PIK3C3: variants seen among roughly 807,000 people sequenced by gnomAD.
The protein encoded by PIK3C3 is PI3-kinase type 3.
Under a neutral mutation model 126.1 loss-of-function variants are expected in PIK3C3, and 95 were observed. The observed-to-expected ratio is 0.75, with a 90% CI of 0.64 to 0.89. The LOEUF is 0.89. Among genes scored for constraint, PIK3C3 ranks in the 40% least tolerant of loss-of-function variants. PIK3C3 has a pLI of 0.00. For synonymous variants in PIK3C3, 374 were observed against 360.0 expected (o/e 1.04, Z -0.44); for missense variants, 829 against 1,063.2 (o/e 0.78, Z 3.06).
intron 21 of PIK3C3, among the ~76,000 whole-genome samples, chr18:42,054,143 T>C (rs1984935321): frequency 6.3e-5 from 1 of 15,860 alleles, no homozygotes; most frequent in Non-Finnish European, 1.2e-4. Context: ...TATATATATA[T>C]ATATATATAT....
At chr18:42,045,493 A>G (rs547816882) in intron 20 of PIK3C3, among the ~76,000 whole-genome samples, 38 of 152,326 alleles carry the variant, frequency 2.5e-4, no homozygotes, top group Non-Finnish European at 7.4e-5. Context: ...TGTCTTAGCT[A>G]GGCTTATTGT....
intron 22 of PIK3C3, among the ~76,000 whole-genome samples, chr18:42,064,535 T>A (rs914701118): frequency 2.6e-5 from 4 of 152,190 alleles, no homozygotes; most frequent in African/African-American, 9.7e-5. Flanking sequence ...GGTGTAGGAT[T>A]TAGAAATGGT....
rs973352095 is a variant in PIK3C3, at chr18:42,075,480, G to A, written c.2650-5643G>A. On this transcript the variant is annotated intron_variant, in intron 24 of 24. Coordinates refer to ENST00000262039, the MANE Select transcript of PIK3C3 (RefSeq NM_002647.4). ...ACAACAACAGGAAAAATCATTAATA[G>A]CAAAGTATTGAACATTTAAATGTGC... is the stretch of plus-strand genomic sequence containing the variant. Among the ~76,000 whole-genome samples the A allele has an allele frequency of 3.3e-5, 5 of 151,902 alleles. No homozygotes were observed. The East Asian group carries it at 5.8e-4, about 18-fold the overall frequency.
intron 22 of PIK3C3, among the ~76,000 whole-genome samples, chr18:42,061,521 G>T (rs1406156061): frequency 1.3e-5 from 2 of 152,106 alleles, no homozygotes; most frequent in Non-Finnish European, 2.9e-5. Context: ...GGTGGAGGTT[G>T]CAGTGACCCG....
chr18:42,062,989 G>C (rs1242524475), intron 22 of PIK3C3, among the ~76,000 whole-genome samples: 1 of 152,016 alleles, frequency 6.6e-6, no homozygotes, highest in Non-Finnish European at 1.5e-5. Flanking sequence ...GTTGGTTCCT[G>C]TCCACCTGGA....
intron 24 of PIK3C3, among the ~76,000 whole-genome samples, chr18:42,069,600 T>C (rs1985693279): frequency 6.6e-6 from 1 of 152,222 alleles, no homozygotes; most frequent in Non-Finnish European, 1.5e-5. Context: ...ATGCTTGAAG[T>C]CAGAAACTCT....
chr18:42,046,166 A>G (rs1984549147), intron 20 of PIK3C3, among the ~76,000 whole-genome samples: 1 of 151,972 alleles, frequency 6.6e-6, no homozygotes, highest in Non-Finnish European at 1.5e-5. Context: ...TTTTTCCAAC[A>G]TTTCACATGT....
At chr18:41,967,738 G>T (rs1167663147) in intron 3 of PIK3C3, among the ~76,000 whole-genome samples, 1 of 152,208 alleles carries the variant, frequency 6.6e-6, no homozygotes, top group Non-Finnish European at 1.5e-5. Context: ...TGGATTGATT[G>T]TTAGGTTGAC....
At chr18:42,044,644 C>T (rs1028959918) in intron 20 of PIK3C3, among the ~76,000 whole-genome samples, 2 of 152,118 alleles carry the variant, frequency 1.3e-5, no homozygotes, top group East Asian at 3.9e-4. Flanking sequence ...TCTCAAACTC[C>T]TGGGCTCAAA....
chr18:42,054,126 G>GTATATA (rs60224978), intron 21 of PIK3C3, among the ~76,000 whole-genome samples: 8 of 69,674 alleles, frequency 1.1e-4, no homozygotes, highest in Non-Finnish European at 1.7e-4. Context: ...AGAACTAATG[G>GTATATA]TATATATATA....
At chr18:42,017,911 C>G (rs1304492088) in intron 12 of PIK3C3, among the ~76,000 whole-genome samples, 1 of 151,572 alleles carries the variant, frequency 6.6e-6, no homozygotes, top group African/African-American at 2.4e-5. Flanking sequence ...AACTTTTGCC[C>G]CATTTGCTTT....
intron 1 of PIK3C3, 51 bp downstream of exon 1, chr18:41,955,410 G>C (rs1419257378): frequency 6.8e-7 from 1 of 1,480,784 alleles, no homozygotes; most frequent in South Asian, 1.1e-5. Context: ...GTAGGGACGT[G>C]GGGGCAGGGG....
At chr18:41,977,223 G>A (rs892575497) in intron 4 of PIK3C3, among the ~76,000 whole-genome samples, 1 of 151,944 alleles carries the variant, frequency 6.6e-6, no homozygotes, top group Non-Finnish European at 1.5e-5. Flanking sequence ...CAGTTGTTAC[G>A]AATACATACT....
chr18:42,008,922 G>A (rs1300236985), intron 10 of PIK3C3, among the ~76,000 whole-genome samples: 1 of 152,028 alleles, frequency 6.6e-6, no homozygotes, highest in Non-Finnish European at 1.5e-5. Flanking sequence ...CCTTCCTGGG[G>A]AATTTAATAC....
At chr18:41,988,034 G>A in intron 5 of PIK3C3, 136 bp downstream of exon 5, 1 of 549,054 alleles carries the variant, frequency 1.8e-6, no homozygotes, top group Non-Finnish European at 3.2e-6. Context: ...GGAATTCTAT[G>A]CTAATAACTG....
At chr18:41,963,179 G>T (rs1012649063) in intron 3 of PIK3C3, among the ~76,000 whole-genome samples, 1 of 152,008 alleles carries the variant, frequency 6.6e-6, no homozygotes. Context: ...TAGAGAATTT[G>T]TGACATTCTG....
intron 23 of PIK3C3, among the ~76,000 whole-genome samples, 188 bp downstream of exon 23, chr18:42,065,018 G>A (rs981800525): frequency 6.6e-6 from 1 of 152,158 alleles, no homozygotes; most frequent in Non-Finnish European, 1.5e-5. Flanking sequence ...GTCACAGGGA[G>A]GAGGAAGCAG....
rs574467539 is a variant in PIK3C3 at position 42,018,965 on chromosome 18, C to T, written c.1417-1673C>T. Among the ~76,000 whole-genome samples, 27 of 152,194 alleles carry T rather than the reference C, an allele frequency of 1.8e-4. No individual in the cohort carries two copies. The South Asian group carries it at 4.8e-3, about 27-fold the overall frequency. On this transcript the variant is annotated intron_variant, in intron 12 of 24. Transcript: ENST00000262039. ...GTCTGCCATCTTCCATTTCCCTAGA[C>T]GTGTTGATCTTCCTGCTCTGCAGTG...
intron 24 of PIK3C3, among the ~76,000 whole-genome samples, chr18:42,073,378 C>CA (rs1190911017): frequency 3.3e-5 from 5 of 151,742 alleles, no homozygotes; most frequent in South Asian, 2.1e-4. Context: ...ACAAAAGAAA[C>CA]AAAAAAAATG....
Sources: gnomAD v4.1 joint callset for allele counts (sites outside exome capture counted in the v4.1 genomes callset) on GRCh38, gnomAD v4.1.1 for gene constraint, MANE v1.5 for transcripts, NCBI Gene and HGNC (gene_info 2026-07-23, HGNC 2026-07-21) for gene names.